Variants in ADAM22 observed in about 807,000 individuals in gnomAD.
The protein encoded by ADAM22 is disintegrin and metalloproteinase domain-containing protein 22.
In ADAM22, 65 loss-of-function variants were observed where a neutral mutation model predicts 144.6. The ratio of observed to expected loss-of-function variants is 0.45; its 90% CI spans 0.37 to 0.55. ADAM22 has a LOEUF of 0.55. Among genes scored for constraint, ADAM22 ranks in the 20% least tolerant of loss-of-function variants. The probability of loss-of-function intolerance (pLI) is 0.00; values close to 1 mark genes in which losing one functional copy is unlikely to be tolerated. For synonymous variants in ADAM22, 391 were observed against 412.6 expected (o/e 0.95, Z 0.63); for missense variants, 974 against 1,184.9 (o/e 0.82, Z 2.61).
chr7:88,167,835 A>G (rs1464715253), intron 24 of ADAM22, among the ~76,000 whole-genome samples: 1 of 152,200 alleles, frequency 6.6e-6, no homozygotes, highest in Non-Finnish European at 1.5e-5. Flanking sequence ...CAGATTTTCT[A>G]CAAGTTCCTC....
chr7:88,060,357 A>G (rs768815582), intron 3 of ADAM22, among the ~76,000 whole-genome samples: 2 of 152,206 alleles, frequency 1.3e-5, no homozygotes, highest in Non-Finnish European at 2.9e-5. Flanking sequence ...TCAGATTTGG[A>G]CTTAATCCTC....
intron 28 of ADAM22, 153 bp downstream of exon 28, chr7:88,181,758 G>T: frequency 6.4e-6 from 5 of 786,368 alleles, no homozygotes; most frequent in Non-Finnish European, 1.0e-5. Flanking sequence ...TTTTTATCTG[G>T]ATGGGAAATG....
chr7:88,121,084 GTC>G (rs2129493171), intron 7 of ADAM22, among the ~76,000 whole-genome samples: 1 of 152,184 alleles, frequency 6.6e-6, no homozygotes, highest in East Asian at 1.9e-4. Context: ...ATGAATATGA[GTC>G]TATTTCTTGA....
At chr7:88,014,141 G>A (rs1315162723) in intron 3 of ADAM22, among the ~76,000 whole-genome samples, 2 of 151,924 alleles carry the variant, frequency 1.3e-5, no homozygotes, top group African/African-American at 4.8e-5. Context: ...CTATCTAGTG[G>A]CATATGTACC....
intron 8 of ADAM22, among the ~76,000 whole-genome samples, chr7:88,126,085 A>G (rs1277645762): frequency 6.6e-6 from 1 of 152,064 alleles, no homozygotes; most frequent in Non-Finnish European, 1.5e-5. Context: ...TCACTTGGGC[A>G]AAACTTTGGA....
chr7:87,961,493 C>T (rs1480244250), intron 2 of ADAM22, among the ~76,000 whole-genome samples: 1 of 152,150 alleles, frequency 6.6e-6, no homozygotes, highest in East Asian at 1.9e-4. Context: ...CCTATAATCC[C>T]ACAATGTAAT....
intron 4 of ADAM22, among the ~76,000 whole-genome samples, chr7:88,097,587 CT>C (rs1821733465): frequency 6.7e-6 from 1 of 148,564 alleles, no homozygotes. Flanking sequence ...CCTTTTTTTC[CT>C]TACCTTAGAC....
chr7:88,038,832 G>A lies in ADAM22; in HGVS notation c.324-36794G>A, dbSNP rs547605641. ...GTCTCGCTCTGTTGCCCAGGCGGGA[G>A]CACAGTGGTGCCATCACTGCTTAAT... On this transcript the variant is annotated intron_variant, in intron 3 of 31. Transcript: ENST00000413139. Among the ~76,000 whole-genome samples, 5 of 151,552 alleles carry A rather than the reference G, an allele frequency of 3.3e-5. No homozygotes were observed. The South Asian group carries it at 1.0e-3, about 32-fold the overall frequency.
chr7:88,139,613 G>T (rs940782346), intron 14 of ADAM22, among the ~76,000 whole-genome samples: 1 of 152,080 alleles, frequency 6.6e-6, no homozygotes, highest in Admixed American at 6.6e-5. Context: ...CAGATGGCTT[G>T]GTTGGTCACT....
At chr7:88,171,021 A>G (rs1388273642) in intron 25 of ADAM22, among the ~76,000 whole-genome samples, 1 of 151,934 alleles carries the variant, frequency 6.6e-6, no homozygotes. Flanking sequence ...ACAGTCACGA[A>G]TTGACTCACT....
At chr7:87,961,019 T>G (rs188684745) in intron 2 of ADAM22, among the ~76,000 whole-genome samples, 1 of 152,208 alleles carries the variant, frequency 6.6e-6, no homozygotes, top group Admixed American at 6.5e-5. Context: ...TAATACATTA[T>G]ATGGTATGTT....
At chr7:87,984,562 T>C (rs1854486279) in intron 3 of ADAM22, among the ~76,000 whole-genome samples, 1 of 152,228 alleles carries the variant, frequency 6.6e-6, no homozygotes, top group African/African-American at 2.4e-5. Flanking sequence ...GTGTTTTACC[T>C]TTATCCATAT....
At chr7:88,045,912 G>GTGTGTC (rs1804560872) in intron 3 of ADAM22, among the ~76,000 whole-genome samples, 1 of 151,468 alleles carries the variant, frequency 6.6e-6, no homozygotes, top group Admixed American at 6.6e-5. Flanking sequence ...GTGTGTGTGT[G>GTGTGTC]TGTGTGTGTG....
chr7:87,954,493 A>G (rs1227681360), intron 2 of ADAM22, among the ~76,000 whole-genome samples: 2 of 152,110 alleles, frequency 1.3e-5, no homozygotes, highest in Non-Finnish European at 1.5e-5. Flanking sequence ...TGGCTTGTAG[A>G]GTTTCTGCTG....
intron 29 of ADAM22, 88 bp from the exon 30 acceptor site, chr7:88,186,527 T>C: frequency 1.1e-6 from 1 of 875,422 alleles, no homozygotes. Flanking sequence ...ATTTGGAGGG[T>C]GAAGACATCC....
chr7:88,110,183 C>T (rs938069515), intron 5 of ADAM22, among the ~76,000 whole-genome samples: 3 of 152,070 alleles, frequency 2.0e-5, no homozygotes, highest in African/African-American at 4.8e-5. Context: ...ATCAGACAGT[C>T]TCTGTTTTCT....
chr7:88,054,325 A>G (rs1160070147), intron 3 of ADAM22, among the ~76,000 whole-genome samples: 1 of 152,120 alleles, frequency 6.6e-6, no homozygotes, highest in Non-Finnish European at 1.5e-5. Flanking sequence ...ATCACATGCA[A>G]CATTGCTCTA....
At chr7:88,086,115 G>A (rs959094172) in intron 4 of ADAM22, among the ~76,000 whole-genome samples, 2 of 152,196 alleles carry the variant, frequency 1.3e-5, no homozygotes, top group African/African-American at 4.8e-5. Context: ...GTTGGAGGTT[G>A]CAGTGAGCTG....
chr7:88,188,075 G>T (rs1848722299), intron 30 of ADAM22, among the ~76,000 whole-genome samples: 1 of 151,834 alleles, frequency 6.6e-6, no homozygotes, highest in Non-Finnish European at 1.5e-5. Flanking sequence ...ACTGTTATTT[G>T]GAATCTTGGC....
Sources: gnomAD v4.1 joint callset for allele counts (sites outside exome capture counted in the v4.1 genomes callset) on GRCh38, gnomAD v4.1.1 for gene constraint, MANE v1.5 for transcripts, NCBI Gene and HGNC (gene_info 2026-07-23, HGNC 2026-07-21) for gene names.